Variants in GAREM1 observed in about 807,000 individuals in gnomAD.
The protein encoded by GAREM1 is GRB2-associated and regulator of MAPK protein 1.
A neutral mutation model predicts 71.3 loss-of-function variants in GAREM1; 26 were observed. The observed-to-expected ratio is 0.36, with a 90% CI of 0.27 to 0.51. The LOEUF (loss-of-function observed/expected upper bound fraction) is 0.51, where lower values mean the gene tolerates loss of function less well. Among genes scored for constraint, GAREM1 ranks in the 20% least tolerant of loss-of-function variants. The probability of loss-of-function intolerance (pLI) is 0.95; values close to 1 mark genes in which losing one functional copy is unlikely to be tolerated. For missense variants in GAREM1, 1,026 were observed against 1,103.1 expected (o/e 0.93, Z 0.99); for synonymous variants, 440 against 433.2 (o/e 1.02, Z -0.20).
At position 32,426,720 on chromosome 18, in the gene GAREM1, T is replaced by C. The variant is rs1599039511; in HGVS notation, c.122-33685A>G. On this transcript the variant is annotated intron_variant, in intron 1 of 5. Transcript: ENST00000269209. ...AATGAGCTTGTCAACCTTTGTAACC[T>C]TCAGGAAGGTTACAAAATTTATCAA... is the stretch of plus-strand genomic sequence containing the variant. 9.2e-5 allele frequency among the ~76,000 whole-genome samples: 14 copies of C among 152,316 alleles called. No homozygotes were observed. The South Asian group carries it at 2.9e-3, about 32-fold the overall frequency.
chr18:32,295,382 G>T (rs1236937188), intron 3 of GAREM1, among the ~76,000 whole-genome samples: 1 of 152,104 alleles, frequency 6.6e-6, no homozygotes, highest in Non-Finnish European at 1.5e-5. Context: ...CCTGACCTAT[G>T]ATGTCGGCAT....
chr18:32,452,838 A>G (rs1484171550), intron 1 of GAREM1, among the ~76,000 whole-genome samples: 2 of 145,908 alleles, frequency 1.4e-5, no homozygotes, highest in East Asian at 4.3e-4. Flanking sequence ...GGGGTTTTAT[A>G]CTTATAACTT....
At chr18:32,343,213 CA>C (rs1356479202) in intron 2 of GAREM1, among the ~76,000 whole-genome samples, 1 of 150,634 alleles carries the variant, frequency 6.6e-6, no homozygotes, top group African/African-American at 2.4e-5. Context: ...CCAGAGTTGG[CA>C]AAAAATGATA....
intron 1 of GAREM1, among the ~76,000 whole-genome samples, chr18:32,400,238 A>G (rs1170420614): frequency 6.6e-6 from 1 of 152,238 alleles, no homozygotes; most frequent in Non-Finnish European, 1.5e-5. Context: ...AAACCTAGGC[A>G]ATACCATTCA....
At chr18:32,407,161 A>C (rs967965361) in intron 1 of GAREM1, among the ~76,000 whole-genome samples, 2 of 152,198 alleles carry the variant, frequency 1.3e-5, no homozygotes, top group African/African-American at 2.4e-5. Flanking sequence ...CATTTTGTGG[A>C]TCCTAAGACA....
chr18:32,451,248 T>TCCCCCCCCCC (rs1164223308), intron 1 of GAREM1, among the ~76,000 whole-genome samples: 16 of 102,440 alleles, frequency 1.6e-4, no homozygotes, highest in South Asian at 3.5e-4. Flanking sequence ...AGAGCCCCCA[T>TCCCCCCCCCC]CCCCCCACCC....
chr18:32,370,421 C>CA (rs57026913), intron 2 of GAREM1, among the ~76,000 whole-genome samples: 9,537 of 68,962 alleles, frequency 0.14, 337 homozygotes, highest in South Asian at 0.15. Context: ...AACTCTGTTT[C>CA]AAAAAAAAAA....
intron 3 of GAREM1, among the ~76,000 whole-genome samples, chr18:32,294,224 G>C: frequency 6.6e-6 from 1 of 152,236 alleles, no homozygotes; most frequent in South Asian, 2.1e-4. Context: ...GTATTAAGGG[G>C]TAAGGGACAT....
chr18:32,268,767 T>G lies in GAREM1; in HGVS notation c.1735A>C (p.Ser579Arg). ...GGATTTGTGTCAGTTTTAGTGACGCTGCTTAAAAGCAAACACAGAAGGAGA... is the reference window on the plus strand; with the variant it reads ...GGATTTGTGTCAGTTTTAGTGACGCGGCTTAAAAGCAAACACAGAAGGAGA... ...SYYSSGLHNI[S>R]VTKTDTNPSE... Residue 579 changes from serine (S) to arginine (R), a missense_variant and splice_region_variant, in exon 6 of 6, where the codon AGC (serine) becomes CGC (arginine). Physicochemically the swap from Ser to Arg is moderately radical, Grantham distance 110 (BLOSUM62 -1). Transcript: ENST00000269209. The G allele has an allele frequency of 6.2e-7, 1 of 1,611,304 alleles. No homozygotes were observed. Among genetic ancestry groups the G allele is most frequent in the South Asian group, 1.1e-5 (1 of 90,840 alleles).
chr18:32,448,434 T>C (rs1000820115), intron 1 of GAREM1, among the ~76,000 whole-genome samples: 9 of 152,232 alleles, frequency 5.9e-5, no homozygotes, highest in Admixed American at 3.9e-4. Context: ...TCATTTGTGA[T>C]GGCACTGGCC....
intron 2 of GAREM1, among the ~76,000 whole-genome samples, chr18:32,337,599 T>C (rs753145493): frequency 3.0e-4 from 46 of 152,350 alleles, no homozygotes; most frequent in Admixed American, 4.6e-4. Context: ...GAGATCTAAA[T>C]GATCTTAGGC....
intron 2 of GAREM1, among the ~76,000 whole-genome samples, chr18:32,324,780 A>C (rs2047459980): frequency 1.3e-5 from 2 of 152,376 alleles, no homozygotes; most frequent in Admixed American, 1.3e-4. Context: ...AAGGCAATCA[A>C]GCCATGAAAA....
intron 2 of GAREM1, among the ~76,000 whole-genome samples, chr18:32,339,695 AT>A (rs1300256809): frequency 6.6e-6 from 1 of 152,154 alleles, no homozygotes; most frequent in African/African-American, 2.4e-5. Flanking sequence ...TACAAATCTA[AT>A]TTCGTAGTAT....
At chr18:32,388,230 A>C (rs983061436) in intron 2 of GAREM1, among the ~76,000 whole-genome samples, 1 of 152,254 alleles carries the variant, frequency 6.6e-6, no homozygotes, top group South Asian at 2.1e-4. Context: ...GTCCATGCTC[A>C]TAATAGCAGG....
chr18:32,360,586 A>G (rs1031511043), intron 2 of GAREM1, among the ~76,000 whole-genome samples: 6 of 152,190 alleles, frequency 3.9e-5, no homozygotes, highest in African/African-American at 1.4e-4. Context: ...GCATTTTTCC[A>G]AAAAGGAATC....
chr18:32,272,559 T>C (rs1368703548), intron 4 of GAREM1, among the ~76,000 whole-genome samples: 1 of 151,876 alleles, frequency 6.6e-6, no homozygotes, highest in Non-Finnish European at 1.5e-5. Context: ...AAATGAAGTT[T>C]GGATAATCAC....
At chr18:32,346,649 T>C (rs2047700061) in intron 2 of GAREM1, among the ~76,000 whole-genome samples, 2 of 152,228 alleles carry the variant, frequency 1.3e-5, no homozygotes, top group Admixed American at 6.5e-5. Flanking sequence ...TATGCATTAA[T>C]GTTATGGGAA....
rs761898861 is a variant in GAREM1, at chr18:32,287,251, G to A, written c.1346C>T (p.Ser449Leu). The A allele has an allele frequency of 1.2e-5, 20 of 1,614,220 alleles. No individual in the cohort carries two copies. The South Asian group carries it at 2.1e-4, about 17-fold the overall frequency. ...SEESAGIPGK[S>L]ELPYEELWLE... is the part of the protein sequence containing the mutation. ...CCACAGCTCTTCGTAGGGAAGTTCT[G>A]ACTTTCCCGGGATGCCTGCTGATTC... Residue 449 changes from serine to leucine, a missense_variant, in exon 4 of 6, where the codon TCA becomes TTA. Physicochemically the swap from Ser to Leu is moderately radical, Grantham distance 145. This residue lies in a region of GAREM1 where 636 missense variants were observed against 631.2 expected (regional missense o/e 1.01). Coordinates refer to ENST00000269209, the MANE Select transcript of GAREM1 (RefSeq NM_001242409.2). The surrounding 1 kb of genome is among the most constrained non-coding windows in gnomAD (Gnocchi z 5.9).
chr18:32,346,645 T>C (rs2047700003), intron 2 of GAREM1, among the ~76,000 whole-genome samples: 1 of 152,220 alleles, frequency 6.6e-6, no homozygotes, highest in Non-Finnish European at 1.5e-5. Flanking sequence ...TTTTTATGCA[T>C]TAATGTTATG....
Sources: gnomAD v4.1 joint callset for allele counts (sites outside exome capture counted in the v4.1 genomes callset) on GRCh38, gnomAD v4.1.1 for gene constraint, gnomAD v4.1.1 regional missense constraint, Gnocchi (gnomAD v3.1) non-coding constraint, MANE v1.5 for transcripts, NCBI Gene and HGNC (gene_info 2026-07-23, HGNC 2026-07-21) for gene names.